LRMDA: variants seen among roughly 807,000 people sequenced by gnomAD.
LRMDA encodes leucine-rich melanocyte differentiation-associated protein.
LRMDA carries 18 observed loss-of-function variants against 29.8 expected under a neutral mutation model. The observed-to-expected ratio is 0.60, with a 90% confidence interval of 0.42 to 0.90. The LOEUF (loss-of-function observed/expected upper bound fraction) is 0.90, where lower values mean the gene tolerates loss of function less well. Among genes scored for constraint, LRMDA ranks in the 40% least tolerant of loss-of-function variants. The probability of loss-of-function intolerance (pLI) is 0.00; values close to 1 mark genes in which losing one functional copy is unlikely to be tolerated. For synonymous variants in LRMDA, 125 were observed against 109.4 expected, an observed-to-expected ratio of 1.14 and a Z score of -0.89; for missense variants, 273 against 273.9, an observed-to-expected ratio of 1.00 and a Z score of 0.02.
chr10:76,116,220 C>T (rs1469627697), intron 5 of LRMDA, among the ~76,000 whole-genome samples: 1 of 152,166 alleles, frequency 6.6e-6, no homozygotes, highest in Non-Finnish European at 1.5e-5. Flanking sequence ...TTTCAATTTA[C>T]TGCTTTCTGG....
intron 5 of LRMDA, among the ~76,000 whole-genome samples, chr10:76,086,186 G>A (rs1395978388): frequency 6.6e-6 from 1 of 152,152 alleles, no homozygotes; most frequent in East Asian, 1.9e-4. Context: ...CCTTGCTGGG[G>A]CGCCTGCTAA....
intron 6 of LRMDA, among the ~76,000 whole-genome samples, chr10:76,349,669 G>A (rs940514995): frequency 1.3e-5 from 2 of 152,016 alleles, no homozygotes; most frequent in East Asian, 1.9e-4. Flanking sequence ...GTACTCAGTG[G>A]TTCAGCAAAA....
chr10:75,538,499 C>T (rs1334562134), intron 2 of LRMDA, among the ~76,000 whole-genome samples: 1 of 152,114 alleles, frequency 6.6e-6, no homozygotes, highest in Admixed American at 6.5e-5. Context: ...TAATCTTCAC[C>T]CGTAGACTGT....
chr10:75,503,672 G>A (rs1589162738), intron 2 of LRMDA, among the ~76,000 whole-genome samples: 1 of 152,084 alleles, frequency 6.6e-6, no homozygotes, highest in African/African-American at 2.4e-5. Flanking sequence ...CAAGGTGGCT[G>A]TCTAATGGGT....
At chr10:76,065,322 C>G (rs1391377788) in intron 5 of LRMDA, among the ~76,000 whole-genome samples, 2 of 152,358 alleles carry the variant, frequency 1.3e-5, no homozygotes, top group South Asian at 2.1e-4. Context: ...AAAGCCATGT[C>G]TCTGGTGTGC....
intron 6 of LRMDA, among the ~76,000 whole-genome samples, chr10:76,533,384 G>T (rs1843256306): frequency 6.6e-6 from 1 of 152,148 alleles, no homozygotes; most frequent in East Asian, 1.9e-4. Flanking sequence ...AAAGTCATGA[G>T]CACTTCTTTC....
intron 5 of LRMDA, among the ~76,000 whole-genome samples, chr10:76,307,037 C>T (rs1840564840): frequency 6.6e-6 from 1 of 152,166 alleles, no homozygotes; most frequent in South Asian, 2.1e-4. Context: ...AGGTCTGTTG[C>T]AGCATCTTGT....
intron 2 of LRMDA, among the ~76,000 whole-genome samples, chr10:75,635,594 A>C (rs529310194): frequency 1.3e-5 from 2 of 152,000 alleles, no homozygotes; most frequent in Admixed American, 1.3e-4. Flanking sequence ...AAAGAGATGA[A>C]TGGGCCCAAA....
intron 2 of LRMDA, among the ~76,000 whole-genome samples, chr10:75,719,901 TC>T (rs1006855433): frequency 7.9e-5 from 12 of 152,230 alleles, no homozygotes; most frequent in African/African-American, 2.9e-4. Context: ...CAGGGGATGT[TC>T]CCTGGATGTT....
intron 5 of LRMDA, among the ~76,000 whole-genome samples, chr10:76,180,276 ACTT>A (rs1851019568): frequency 7.1e-6 from 1 of 140,226 alleles, no homozygotes; most frequent in African/African-American, 2.7e-5. Flanking sequence ...TTTGGAAAAA[ACTT>A]TTTTTTTTTT....
At chr10:76,362,212 T>G (rs1034640669) in intron 6 of LRMDA, among the ~76,000 whole-genome samples, 4 of 152,184 alleles carry the variant, frequency 2.6e-5, no homozygotes, top group African/African-American at 9.7e-5. Flanking sequence ...GAATAAAATC[T>G]CAATTCCTTT....
At chr10:75,526,771 A>G (rs1845417704) in intron 2 of LRMDA, among the ~76,000 whole-genome samples, 1 of 151,634 alleles carries the variant, frequency 6.6e-6, no homozygotes. Flanking sequence ...AAGCAGGAGG[A>G]TGGCTGGAGC....
intron 2 of LRMDA, among the ~76,000 whole-genome samples, chr10:75,750,988 C>T (rs1028761896): frequency 6.6e-6 from 1 of 152,200 alleles, no homozygotes; most frequent in Admixed American, 6.5e-5. Flanking sequence ...AGTTTGTAGC[C>T]AGCCGAGATC....
intron 2 of LRMDA, among the ~76,000 whole-genome samples, chr10:75,821,035 C>CA (rs1844148712): frequency 6.6e-6 from 1 of 152,038 alleles, no homozygotes; most frequent in South Asian, 2.1e-4. Context: ...CTAACAACAT[C>CA]AAAAAAATTC....
At chr10:75,942,288 A>G (rs1846405528) in intron 2 of LRMDA, among the ~76,000 whole-genome samples, 1 of 152,304 alleles carries the variant, frequency 6.6e-6, no homozygotes, top group Non-Finnish European at 1.5e-5. Context: ...ATGCCCATCC[A>G]GAGGCTGAGC....
At chr10:76,383,008 A>G (rs1425355906) in intron 6 of LRMDA, among the ~76,000 whole-genome samples, 1 of 152,208 alleles carries the variant, frequency 6.6e-6, no homozygotes, top group Non-Finnish European at 1.5e-5. Context: ...AGTGGGTTTT[A>G]TAGGAGCCAC....
intron 4 of LRMDA, among the ~76,000 whole-genome samples, chr10:76,056,961 A>G (rs1564641199): frequency 6.6e-6 from 1 of 152,114 alleles, no homozygotes. Flanking sequence ...ATTTGCAGCA[A>G]TTGCTCCAGA....
chr10:76,052,663 G>A (rs544228188), intron 4 of LRMDA, among the ~76,000 whole-genome samples: 2 of 152,214 alleles, frequency 1.3e-5, no homozygotes, highest in African/African-American at 4.8e-5. Flanking sequence ...CATTCTATGT[G>A]AGAAGAAAGA....
At chr10:75,869,803 C>T (rs988629619) in intron 2 of LRMDA, among the ~76,000 whole-genome samples, 24 of 152,172 alleles carry the variant, frequency 1.6e-4, no homozygotes, top group African/African-American at 4.8e-4. Context: ...GATCCAGGCT[C>T]GCTTTTCTGT....
Sources: gnomAD v4.1 joint callset for allele counts (sites outside exome capture counted in the v4.1 genomes callset) on GRCh38, gnomAD v4.1.1 for gene constraint, MANE v1.5 for transcripts, NCBI Gene and HGNC (gene_info 2026-07-23, HGNC 2026-07-21) for gene names.